NELL1: variants seen among roughly 807,000 people sequenced by gnomAD.
NELL1 encodes protein kinase C-binding protein NELL1.
NELL1 carries 76 observed loss-of-function variants against 107.4 expected under a neutral mutation model. That is an observed-to-expected ratio of 0.71 (90% CI 0.59 to 0.86). The LOEUF (loss-of-function observed/expected upper bound fraction) is 0.86. Among genes scored for constraint, NELL1 ranks in the 40% least tolerant of loss-of-function variants. The pLI, the probability that NELL1 is intolerant of heterozygous loss-of-function variation, is 0.00. For missense variants in NELL1, 1,024 were observed against 1,005.5 expected (o/e 1.02, Z -0.25); for synonymous variants, 353 against 341.2 (o/e 1.03, Z -0.38).
intron 15 of NELL1, among the ~76,000 whole-genome samples, chr11:21,460,877 C>A (rs975100494): frequency 6.6e-6 from 1 of 152,054 alleles, no homozygotes; most frequent in Non-Finnish European, 1.5e-5. Flanking sequence ...AGATAAATCA[C>A]TGGGGAAAGG....
chr11:21,177,618 C>T (rs765832713), intron 13 of NELL1, among the ~76,000 whole-genome samples: 3 of 151,654 alleles, frequency 2.0e-5, no homozygotes, highest in African/African-American at 4.9e-5. Context: ...ATTTCAATTC[C>T]TTTGGGTATA....
intron 13 of NELL1, among the ~76,000 whole-genome samples, chr11:21,166,564 G>A (rs1285701124): frequency 6.6e-6 from 1 of 151,690 alleles, no homozygotes; most frequent in African/African-American, 2.4e-5. Context: ...ATTATCTCAT[G>A]TAACCCATAA....
intron 15 of NELL1, among the ~76,000 whole-genome samples, chr11:21,467,916 GA>G (rs1854073028): frequency 6.6e-6 from 1 of 151,946 alleles, no homozygotes. Context: ...TTTTCTCTAA[GA>G]CCCCTTGCAA....
intron 14 of NELL1, among the ~76,000 whole-genome samples, chr11:21,300,463 G>A (rs1277273029): frequency 6.6e-6 from 1 of 152,082 alleles, no homozygotes; most frequent in African/African-American, 2.4e-5. Context: ...GCTGAAGAGT[G>A]ATGAGAAGTG....
chr11:20,944,876 C>T (rs10741861), intron 10 of NELL1, among the ~76,000 whole-genome samples: 127,769 of 152,220 alleles, frequency 0.84, 54,414 homozygotes, highest in East Asian at 1. Context: ...ATTTAATCAG[C>T]GAAGCAAACC....
intron 15 of NELL1, among the ~76,000 whole-genome samples, chr11:21,470,693 T>G (rs1217236854): frequency 6.6e-6 from 1 of 152,098 alleles, no homozygotes; most frequent in African/African-American, 2.4e-5. Flanking sequence ...ACAGAAGCCA[T>G]GCCTTAGTCA....
At chr11:20,725,714 G>T (rs1289371895) in intron 2 of NELL1, among the ~76,000 whole-genome samples, 1 of 152,132 alleles carries the variant, frequency 6.6e-6, no homozygotes. Context: ...AATTAGTTTT[G>T]ATGTTTTCTG....
chr11:20,756,660 C>T (rs997151024), intron 2 of NELL1, among the ~76,000 whole-genome samples: 1 of 122,538 alleles, frequency 8.2e-6, no homozygotes, highest in African/African-American at 3.0e-5. Context: ...CACACCAGGC[C>T]AGAAAATTCT....
chr11:21,496,405 C>CTTTTTTT lies in NELL1; in HGVS notation c.1646-37967_1646-37966insTTTTTTT, dbSNP rs1206711700. The stretch of plus-strand genomic sequence containing the variant: ...AATTTAAACATATTTTTATTCTTCT[C>CTTTTTTT]TTGTTTTTTTTTTTTTTTTTCTTGA... On this transcript the variant is annotated intron_variant, in intron 15 of 19. Coordinates refer to ENST00000357134, the MANE Select transcript of NELL1 (RefSeq NM_006157.5). Among the ~76,000 whole-genome samples, 4 of 141,254 alleles carry CTTTTTTT rather than the reference C, an allele frequency of 2.8e-5. No homozygotes were observed. The East Asian group carries it at 6.5e-4, about 23-fold the overall frequency. 92.7% of individuals were successfully genotyped at this position (141,254 alleles called of 152,430 possible). A position where few individuals can be genotyped will look rare whatever the true frequency, so the allele number is the denominator to read the frequency against.
At chr11:21,042,106 CGTTT>C (rs1209865624) in intron 12 of NELL1, among the ~76,000 whole-genome samples, 1 of 152,196 alleles carries the variant, frequency 6.6e-6, no homozygotes, top group East Asian at 1.9e-4. Flanking sequence ...TCTACTTTTA[CGTTT>C]TTTCTCATTT....
At chr11:21,271,782 C>A (rs142466974) in intron 14 of NELL1, among the ~76,000 whole-genome samples, 1 of 152,048 alleles carries the variant, frequency 6.6e-6, no homozygotes, top group South Asian at 2.1e-4. Flanking sequence ...CATAACCAGG[C>A]GGTGTATATT....
chr11:21,550,347 A>C (rs999847234), intron 16 of NELL1, among the ~76,000 whole-genome samples: 9 of 151,958 alleles, frequency 5.9e-5, no homozygotes, highest in Non-Finnish European at 1.2e-4. Flanking sequence ...TATTTTAATT[A>C]GGTCCCGTTT....
intron 5 of NELL1, among the ~76,000 whole-genome samples, chr11:20,895,315 GAAATTA>G (rs1849707894): frequency 2.6e-5 from 1 of 38,740 alleles, no homozygotes; most frequent in Non-Finnish European, 5.7e-5. Context: ...AAAAAAAAAA[GAAATTA>G]TTCCTTCTGT....
chr11:21,210,499 C>T (rs1368121640), intron 13 of NELL1, among the ~76,000 whole-genome samples: 1 of 152,136 alleles, frequency 6.6e-6, no homozygotes, highest in Non-Finnish European at 1.5e-5. Context: ...AGAATCTTTT[C>T]ATGTGCCTCT....
chr11:21,328,707 G>A (rs551527549), intron 14 of NELL1, among the ~76,000 whole-genome samples: 1 of 152,290 alleles, frequency 6.6e-6, no homozygotes, highest in East Asian at 1.9e-4. Flanking sequence ...AAGCCACAGA[G>A]GCAGAGCTGC....
chr11:21,376,647 G>A (rs915461170), intron 15 of NELL1, among the ~76,000 whole-genome samples: 1 of 151,988 alleles, frequency 6.6e-6, no homozygotes, highest in Non-Finnish European at 1.5e-5. Context: ...GGGCAGTATG[G>A]CCATTTTAAT....
At chr11:21,167,415 G>T (rs757921127) in intron 13 of NELL1, among the ~76,000 whole-genome samples, 1 of 151,794 alleles carries the variant, frequency 6.6e-6, no homozygotes, top group South Asian at 2.1e-4. Context: ...GTTGGCTTGA[G>T]CCCTGGTTGG....
At chr11:21,144,384 C>G (rs766063129) in intron 13 of NELL1, among the ~76,000 whole-genome samples, 1 of 152,160 alleles carries the variant, frequency 6.6e-6, no homozygotes, top group Admixed American at 6.5e-5. Flanking sequence ...GTGAAATATG[C>G]ATGCATGTTT....
intron 12 of NELL1, among the ~76,000 whole-genome samples, chr11:21,099,339 A>T (rs1854745765): frequency 6.6e-6 from 1 of 152,082 alleles, no homozygotes; most frequent in Non-Finnish European, 1.5e-5. Flanking sequence ...CCTGAGCAGG[A>T]GGCAGCAGCC....
Sources: gnomAD v4.1 joint callset for allele counts (sites outside exome capture counted in the v4.1 genomes callset) on GRCh38, gnomAD v4.1.1 for gene constraint, MANE v1.5 for transcripts, NCBI Gene and HGNC (gene_info 2026-07-23, HGNC 2026-07-21) for gene names.